Variants in SSUH2 observed in about 807,000 individuals in gnomAD.
The protein encoded by SSUH2 is ssu-2 homolog, also known as protein SSUH2 homolog.
In SSUH2, 47 loss-of-function variants were observed where a neutral mutation model predicts 55.3. The observed-to-expected ratio is 0.85, with a 90% confidence interval of 0.67 to 1.08. SSUH2 has a LOEUF of 1.08. Among genes scored for constraint, SSUH2 ranks in the 50% least tolerant of loss-of-function variants. The probability of loss-of-function intolerance (pLI) is 0.00; values close to 1 mark genes in which losing one functional copy is unlikely to be tolerated. For missense variants in SSUH2, 535 were observed against 490.7 expected (o/e 1.09, Z -0.85); for synonymous variants, 212 against 191.5 (o/e 1.11, Z -0.89).
chr3:8,677,147 C>G (rs1180731974), intron 3 of SSUH2: 1 of 152,144 alleles, frequency 6.6e-6, no homozygotes, highest in Non-Finnish European at 1.5e-5. Flanking sequence ...GAGAGCCAGC[C>G]CCTCTTCCCC....
At chr3:8,629,757 T>G in intron 6 of SSUH2, 31 bp from the exon 7 acceptor site, 1 of 1,608,926 alleles carries the variant, frequency 6.2e-7, no homozygotes, top group Non-Finnish European at 8.5e-7. Context: ...TGGGATCTAG[T>G]TTCCCAAGGG....
At chr3:8,664,461 C>A (rs1193649563) in intron 5 of SSUH2, among the ~76,000 whole-genome samples, 1 of 151,958 alleles carries the variant, frequency 6.6e-6, no homozygotes, top group Non-Finnish European at 1.5e-5. Context: ...GCTCTTTCAA[C>A]AAAATTTCTG....
intron 2 of SSUH2, among the ~76,000 whole-genome samples, chr3:8,678,487 AAG>A (rs1705607146): frequency 7.5e-6 from 1 of 133,854 alleles, no homozygotes; most frequent in Non-Finnish European, 1.7e-5. Context: ...CCCCCATTGC[AAG>A]GGGGTGAGGC....
exon 6 of SSUH2, chr3:8,663,745 T>C (rs1317327941): frequency 2.2e-6 from 1 of 454,902 alleles, no homozygotes; most frequent in African/African-American, 2.0e-5. Flanking sequence ...CGCTCTTACC[T>C]TAACAAGGAT....
In SSUH2 at chr3:8,660,552, G is replaced by A. The variant is rs1214350913; in HGVS notation, c.-395-1539C>T. 3.9e-5 allele frequency among the ~76,000 whole-genome samples: 6 copies of A among 152,284 alleles called. No homozygotes were observed. In the East Asian group the frequency reaches 1.2e-3, roughly 29 times the overall value. ...GGGCTCCAGACAACCCCCTGCCAGA[G>A]CAAGATTGAAGGGAAAAAAAGAGAG... On this transcript the variant is annotated intron_variant, in intron 6 of 18. Coordinates refer to the SSUH2 transcript ENST00000317371.
At chr3:8,636,347 G>C (rs1699924008) in intron 1 of SSUH2, among the ~76,000 whole-genome samples, 1 of 152,066 alleles carries the variant, frequency 6.6e-6, no homozygotes, top group Admixed American at 6.5e-5. Flanking sequence ...CATGGAAGGA[G>C]GTCCAGTTGA....
chr3:8,620,127 G>T, intron 11 of SSUH2, 113 bp from the exon 12 acceptor site: 1 of 1,195,336 alleles, frequency 8.4e-7, no homozygotes, highest in Non-Finnish European at 1.2e-6. Context: ...CTGCTCTGGA[G>T]TTGGCATTCA....
At chr3:8,674,863 C>G (rs1158421751) in intron 3 of SSUH2, among the ~76,000 whole-genome samples, 1 of 142,914 alleles carries the variant, frequency 7.0e-6, no homozygotes, top group African/African-American at 2.6e-5. Context: ...AAGCGGTGGC[C>G]AAGGGTCCGG....
At chr3:8,658,301 C>T (rs1033784809) in intron 7 of SSUH2, among the ~76,000 whole-genome samples, 4 of 152,208 alleles carry the variant, frequency 2.6e-5, no homozygotes, top group Non-Finnish European at 5.9e-5. Context: ...TAAAATTAAA[C>T]CTTTATTGCT....
At chr3:8,637,799 C>T (rs746219805) in intron 1 of SSUH2, among the ~76,000 whole-genome samples, 1 of 152,068 alleles carries the variant, frequency 6.6e-6, no homozygotes, top group Non-Finnish European at 1.5e-5. Flanking sequence ...AAACTCAGAG[C>T]AGACTTCCAG....
chr3:8,663,129 T>A (rs574375618), intron 6 of SSUH2, among the ~76,000 whole-genome samples: 1 of 152,306 alleles, frequency 6.6e-6, no homozygotes, highest in South Asian at 2.1e-4. Context: ...CCTGCTCCCA[T>A]TTGATCTCCA....
Position 8,659,368 on chromosome 3 carries a change from T to A in SSUH2, c.-395-355A>T, listed in dbSNP as rs111519932. On this transcript the variant is annotated intron_variant, in intron 6 of 18. Coordinates refer to the SSUH2 transcript ENST00000317371. ...ATCAGATTCCCAGGCCTTTGTTCCC[T>A]CCGCCTCTCCATCCACATAACTTTT... 1,545 of 155,048 alleles carry A rather than the reference T, an allele frequency of 1.0e-2. 26 individuals carry two copies. Among genetic ancestry groups the A allele is most frequent in the African/African-American group, 0.031 (1,297 of 41,568 alleles). The allele number at this position is 155,048 out of a possible 1,614,324, so 9.6% of individuals were successfully genotyped here. A position where few individuals can be genotyped will look rare whatever the true frequency, so the allele number is the denominator to read the frequency against.
intron 1 of SSUH2, among the ~76,000 whole-genome samples, chr3:8,644,305 A>C (rs1024139500): frequency 2.0e-5 from 3 of 152,216 alleles, no homozygotes; most frequent in African/African-American, 7.2e-5. Context: ...AAGAATCCTG[A>C]AAATCTCACT....
upstream of SSUH2, among the ~76,000 whole-genome samples, chr3:8,649,015 A>T (rs1394957133): frequency 6.6e-6 from 1 of 152,060 alleles, no homozygotes; most frequent in Non-Finnish European, 1.5e-5. Flanking sequence ...CTGGGCCTTC[A>T]TTCAGGGCAG....
intron 5 of SSUH2, among the ~76,000 whole-genome samples, chr3:8,665,168 T>G (rs185983525): frequency 2.6e-4 from 40 of 151,830 alleles, no homozygotes; most frequent in Non-Finnish European, 3.1e-4. Flanking sequence ...TGGGTATATT[T>G]CAGTTGCCGT....
chr3:8,678,247 G>A (rs185755200), intron 2 of SSUH2, among the ~76,000 whole-genome samples: 11 of 152,140 alleles, frequency 7.2e-5, no homozygotes, highest in South Asian at 2.1e-4. Flanking sequence ...GTATACTTAC[G>A]GTGATATTTG....
chr3:8,643,818 C>T (rs1047748432), intron 1 of SSUH2, among the ~76,000 whole-genome samples: 1 of 152,196 alleles, frequency 6.6e-6, no homozygotes, highest in African/African-American at 2.4e-5. Context: ...ATTTTGCCCA[C>T]ACCCTCATGG....
At chr3:8,663,869 T>C (rs34054872) in intron 5 of SSUH2, 206,846 of 456,120 alleles carry the variant, frequency 0.45, 50,644 homozygotes, top group Admixed American at 0.61. Flanking sequence ...CAAGACAATG[T>C]TGTTTTCTTC....
In SSUH2 at chr3:8,644,678, A is replaced by C. The variant is rs138754139; in HGVS notation, c.28+53T>G. 5.4e-6 allele frequency: 8 copies of C among 1,493,562 alleles called. No homozygotes were observed. In the East Asian group the frequency reaches 2.0e-4, roughly 37 times the overall value. The allele number at this position is 1,493,562 out of a possible 1,614,324, so 92.5% of individuals were successfully genotyped here. On this transcript the variant is annotated intron_variant, in intron 1 of 11. Transcript: ENST00000544814. ...GTCAGATTAGGTCCTCTTCAAATGC[A>C]GGCTAAAATATCTCCACACAGTCTT... is the stretch of plus-strand genomic sequence containing the variant.
Sources: allele counts gnomAD v4.1 joint callset (sites outside exome capture counted in the v4.1 genomes callset), GRCh38; gene constraint gnomAD v4.1.1; transcripts MANE v1.5; gene names NCBI Gene and HGNC (gene_info 2026-07-23, HGNC 2026-07-21).